Variants in MAP3K9 observed in about 807,000 individuals in gnomAD.
The protein encoded by MAP3K9 is mixed lineage kinase 1 (tyr and ser/thr specificity).
MAP3K9 carries 46 observed loss-of-function variants against 95.8 expected under a neutral mutation model. The ratio of observed to expected loss-of-function variants is 0.48; its 90% CI spans 0.38 to 0.61. The LOEUF is 0.61. Ranked by LOEUF, MAP3K9 falls within the 20% of genes least tolerant of loss-of-function variation. MAP3K9 has a pLI of 0.00. For synonymous variants in MAP3K9, 533 were observed against 593.8 expected (o/e 0.90, Z 1.49); for missense variants, 1,296 against 1,474.3 (o/e 0.88, Z 1.98).
Position 70,730,442 on chromosome 14 carries a change from T to C in MAP3K9, c.3253A>G (p.Arg1085Gly). ...GGCCTGTGTGTGTTCAGTTCCGCTC[T>C]GCACAGCGGCACGGTGCTGTCCTGA... The part of the protein sequence containing the change: ...QSQDSTVPLC[R>G]AELNTHRPAP... The change falls in exon 12 of 12, where the codon AGA becomes GGA. Residue 1085 changes from arginine (R) to glycine (G), a missense_variant. Physicochemically the swap from Arg to Gly is moderately radical, Grantham distance 125. Coordinates refer to ENST00000554752, the MANE Select transcript of MAP3K9 (RefSeq NM_001284230.2). 6.2e-7 allele frequency: 1 copy of C among 1,614,232 alleles called. No homozygotes were observed.
chr14:70,774,752 C>T (rs575380592), intron 2 of MAP3K9, among the ~76,000 whole-genome samples: 3 of 151,768 alleles, frequency 2.0e-5, no homozygotes, highest in Non-Finnish European at 4.4e-5. Context: ...TGTGGGAGGC[C>T]GAGGCAGGTG....
intron 2 of MAP3K9, among the ~76,000 whole-genome samples, chr14:70,762,276 G>T (rs761870417): frequency 1.3e-5 from 2 of 152,096 alleles, no homozygotes; most frequent in African/African-American, 2.4e-5. Flanking sequence ...TTGCTGGATC[G>T]CATGGTAATT....
intron 2 of MAP3K9, among the ~76,000 whole-genome samples, chr14:70,767,909 C>T (rs1351054752): frequency 6.6e-6 from 1 of 152,142 alleles, no homozygotes; most frequent in Non-Finnish European, 1.5e-5. Flanking sequence ...TCAAGCAATC[C>T]TCCTGCCTTG....
In MAP3K9 at chr14:70,809,273, C is replaced by G; in HGVS notation, c.-102G>C. 1.6e-6 allele frequency: 2 copies of G among 1,228,386 alleles called. No individual in the cohort carries two copies. Among genetic ancestry groups the G allele is most frequent in the East Asian group, 3.2e-5 (1 of 31,454 alleles). 76.1% of individuals were successfully genotyped at this position (1,228,386 alleles called of 1,614,324 possible). ...CAGAGCTGGGAGGACCCCCCCCCAA[C>G]GACGGCGGCCGCAGGTAGGGCCCGG... is the stretch of plus-strand genomic sequence containing the variant. On this transcript the variant is annotated 5_prime_UTR_variant, in exon 1 of 12. Coordinates refer to ENST00000554752, the MANE Select transcript of MAP3K9 (RefSeq NM_001284230.2).
chr14:70,738,251 T>C lies in MAP3K9; in HGVS notation c.1838A>G (p.Asp613Gly), dbSNP rs2054012869. The C allele has an allele frequency of 6.2e-7, 1 of 1,608,120 alleles. No individual in the cohort carries two copies. The highest frequency in any genetic ancestry group is 1.3e-5 in the African/African-American group (1 of 74,734). Residue 613 changes from aspartate (D) to glycine (G), a missense_variant, in exon 8 of 12, where the codon GAT (aspartate) becomes GGT (glycine). Asp to Gly is a moderately conservative substitution (Grantham distance 94). Transcript: ENST00000554752. ...TLGQKELASGDEGSPQRREKA... is the reference protein window; with the variant it reads ...TLGQKELASGGEGSPQRREKA... ...CATGTCATCTGGCACTTACCCTTCA[T>C]CTCCCGAGGCAAGCTCCTTCTGACC...
rs745679893 is a variant in MAP3K9, at chr14:70,748,986, G to A, written c.1169C>T (p.Pro390Leu). ...ATTCGTGAAAGATGGTCGTGAGTGG[G>A]GATCAGGATTCCAGCAGTCTGAATA... ...KLMEDCWNPD[P>L]HSRPSFTNIL... Residue 390 changes from proline to leucine, a missense_variant, in exon 5 of 12, where the codon CCC becomes CTC. Around this residue, in one of 5 missense-constraint regions of MAP3K9, gnomAD observed 136 missense variants for 221.5 expected, o/e 0.61. Transcript: ENST00000554752. 2.0e-5 allele frequency: 33 copies of A among 1,613,198 alleles called. No individual in the cohort carries two copies. In the South Asian group the frequency reaches 3.3e-4, roughly 16 times the overall value.
Position 70,748,835 on chromosome 14 carries a change from T to C in MAP3K9, c.1320A>G (p.Lys440=). The C allele has an allele frequency of 6.3e-7, 1 of 1,586,490 alleles. No individual in the cohort carries two copies. Among genetic ancestry groups the C allele is most frequent in the African/African-American group, 1.4e-5 (1 of 73,102 alleles). ...IQEMFDQLRA[K]EKELRTWEEE... ...TTTTTTTTGTTTTGTTTACCTTTTC[T>C]TTGGCCCTGAGTTGGTCAAACATCT... The change falls in exon 5 of 12, where the codon AAA becomes AAG. Residue 440 remains lysine, a synonymous_variant. Transcript: ENST00000554752.
chr14:70,734,547 C>T (rs2053958501), intron 9 of MAP3K9, 49 bp from the exon 10 acceptor site: 3 of 1,089,996 alleles, frequency 2.8e-6, no homozygotes, highest in Non-Finnish European at 4.2e-6. Context: ...ACCTTTCTTA[C>T]TTGACCCTCA....
At chr14:70,799,201 C>T (rs2054901123) in intron 2 of MAP3K9, among the ~76,000 whole-genome samples, 1 of 152,066 alleles carries the variant, frequency 6.6e-6, no homozygotes, top group Admixed American at 6.5e-5. Context: ...TGGGGTCTCG[C>T]TATGTTGCCC....
intron 2 of MAP3K9, among the ~76,000 whole-genome samples, chr14:70,787,981 C>A (rs1034769): frequency 0.87 from 131,948 of 152,184 alleles, 57,343 homozygotes; most frequent in Middle Eastern, 0.92. Context: ...CTCTGCTGTC[C>A]AGAATTCTAT....
At chr14:70,753,493 G>C (rs1299503459) in intron 3 of MAP3K9, among the ~76,000 whole-genome samples, 1 of 152,196 alleles carries the variant, frequency 6.6e-6, no homozygotes, top group Non-Finnish European at 1.5e-5. Flanking sequence ...AGAAATACAA[G>C]TTTACGTGGA....
intron 8 of MAP3K9, among the ~76,000 whole-genome samples, chr14:70,736,430 A>G (rs2053987529): frequency 6.6e-6 from 1 of 152,234 alleles, no homozygotes; most frequent in African/African-American, 2.4e-5. Context: ...AACCAGAAAT[A>G]ATATCACATA....
chr14:70,767,542 AG>A (rs1399761358), intron 2 of MAP3K9, among the ~76,000 whole-genome samples: 2 of 152,130 alleles, frequency 1.3e-5, no homozygotes, highest in African/African-American at 4.8e-5. Context: ...GACTAGAGAA[AG>A]AGTAATACCT....
rs2053919588 is a variant in MAP3K9 at position 70,732,547 on chromosome 14, G to C, written c.2822C>G (p.Pro941Arg). Residue 941 changes from proline (P) to arginine (R), a missense_variant, in exon 11 of 12, where the codon CCT (proline) becomes CGT (arginine). Around this residue, in one of 5 missense-constraint regions of MAP3K9, gnomAD observed 433 missense variants for 441.4 expected, o/e 0.98. Transcript: ENST00000554752. ...SPSSNGLSPS[P>R]GAGMLKTPSP... is the part of the protein sequence containing the mutation. ...AGAGGAAGAAGACTCACCTGCTCCA[G>C]GACTGGGGCTCAACCCATTGCTGGA... is the stretch of plus-strand genomic sequence containing the variant. 6.4e-7 allele frequency: 1 copy of C among 1,573,016 alleles called. No individual in the cohort carries two copies. The highest frequency in any genetic ancestry group is 8.6e-7 in the Non-Finnish European group (1 of 1,160,220).
intron 2 of MAP3K9, among the ~76,000 whole-genome samples, chr14:70,768,650 A>G (rs2054490065): frequency 1.3e-5 from 2 of 152,136 alleles, no homozygotes; most frequent in Admixed American, 1.3e-4. Context: ...TCAGCAGGAG[A>G]AATCGGGGGT....
intron 11 of MAP3K9, among the ~76,000 whole-genome samples, chr14:70,731,810 C>G (rs922964509): frequency 1.3e-5 from 2 of 152,228 alleles, no homozygotes; most frequent in Non-Finnish European, 2.9e-5. Context: ...ACACTTAAAT[C>G]TCATTGAAAG....
At chr14:70,752,408 G>A (rs924638124) in intron 3 of MAP3K9, among the ~76,000 whole-genome samples, 13 of 152,204 alleles carry the variant, frequency 8.5e-5, no homozygotes, top group African/African-American at 2.2e-4. Context: ...GGGAGTGAGC[G>A]CATGGTCAGA....
chr14:70,743,217 G>A (rs975893447), intron 5 of MAP3K9, among the ~76,000 whole-genome samples: 2 of 151,922 alleles, frequency 1.3e-5, no homozygotes, highest in African/African-American at 2.4e-5. Flanking sequence ...CAAACTCCTG[G>A]CATCAAGTGA....
chr14:70,733,773 C>T (rs1327405518), intron 10 of MAP3K9: 1 of 718,442 alleles, frequency 1.4e-6, no homozygotes, highest in Non-Finnish European at 2.6e-6. Flanking sequence ...TGTCGATGGG[C>T]ACCACCCAAC....
Sources: allele counts gnomAD v4.1 joint callset (sites outside exome capture counted in the v4.1 genomes callset), GRCh38; gene constraint gnomAD v4.1.1; regional missense constraint gnomAD v4.1.1; transcripts MANE v1.5; gene names NCBI Gene and HGNC (gene_info 2026-07-23, HGNC 2026-07-21).